POU6F2: variants seen among roughly 807,000 people sequenced by gnomAD.
The protein encoded by POU6F2 is POU class 6 homeobox 2.
A neutral mutation model predicts 71.3 loss-of-function variants in POU6F2; 31 were observed. The ratio of observed to expected loss-of-function variants is 0.43; its 90% CI spans 0.33 to 0.59. The LOEUF is 0.59. Among genes scored for constraint, POU6F2 ranks in the 20% least tolerant of loss-of-function variants. The pLI, the probability that POU6F2 is intolerant of heterozygous loss-of-function variation, is 0.04. For synonymous variants in POU6F2, 347 were observed against 355.7 expected (o/e 0.98, Z 0.27); for missense variants, 783 against 856.8 (o/e 0.91, Z 1.07).
chr7:39,204,352 C>G (rs1439782941), intron 3 of POU6F2, 26 bp downstream of exon 3: 1 of 1,573,516 alleles, frequency 6.4e-7, no homozygotes, highest in South Asian at 1.1e-5. Context: ...CTGCTTTCCA[C>G]TGGGCTGCAT....
intron 1 of POU6F2, among the ~76,000 whole-genome samples, chr7:38,991,859 CCT>C (rs1788611970): frequency 6.9e-6 from 1 of 145,802 alleles, no homozygotes; most frequent in African/African-American, 2.6e-5. Context: ...TCTCTCTCTC[CCT>C]CTCTCTCACA....
In POU6F2 at chr7:39,282,295, A is replaced by G. The variant is rs966705517; in HGVS notation, c.599-57347A>G. Among the ~76,000 whole-genome samples, 30 of 152,146 alleles carry G rather than the reference A, an allele frequency of 2.0e-4. No homozygotes were observed. In the East Asian group the frequency reaches 3.5e-3, roughly 18 times the overall value. ...CTGTGCAGAAGCTCTTTAGGTTGGT[A>G]TAGTCCTATCTGTCTATTTATATAT... is the stretch of plus-strand genomic sequence containing the variant. On this transcript the variant is annotated intron_variant, in intron 4 of 9. Transcript: ENST00000518318.
intron 2 of POU6F2, among the ~76,000 whole-genome samples, chr7:39,119,570 A>G (rs77267438): frequency 0.07 from 10,694 of 152,192 alleles, 516 homozygotes; most frequent in Non-Finnish European, 0.1. Flanking sequence ...AATAGTGGCT[A>G]AAATAGATAA....
intron 5 of POU6F2, among the ~76,000 whole-genome samples, chr7:39,370,608 C>A (rs1219075362): frequency 1.6e-4 from 24 of 152,214 alleles, no homozygotes; most frequent in Admixed American, 1.6e-3. Flanking sequence ...GCCCCCTCCC[C>A]ACCTCTGCCT....
At chr7:39,132,731 T>C (rs748678545) in intron 2 of POU6F2, 3 of 152,224 alleles carry the variant, frequency 2.0e-5, no homozygotes, top group Non-Finnish European at 4.4e-5. Context: ...GCCTTTGGAC[T>C]CTGTGTTTAT....
At chr7:39,101,428 T>C (rs1222787613) in intron 2 of POU6F2, among the ~76,000 whole-genome samples, 1 of 150,620 alleles carries the variant, frequency 6.6e-6, no homozygotes, top group Admixed American at 6.7e-5. Flanking sequence ...AAGAGAAGAA[T>C]TGCTTTTTCT....
At chr7:39,400,869 T>C (rs1787283600) in intron 5 of POU6F2, among the ~76,000 whole-genome samples, 1 of 152,230 alleles carries the variant, frequency 6.6e-6, no homozygotes, top group Non-Finnish European at 1.5e-5. Context: ...ATCTCCTTAG[T>C]TCAGCTAAAG....
intron 2 of POU6F2, among the ~76,000 whole-genome samples, chr7:39,125,653 T>A (rs908049156): frequency 2.6e-5 from 4 of 152,296 alleles, no homozygotes; most frequent in Admixed American, 6.5e-5. Flanking sequence ...GGAGGAAGCA[T>A]AAAGAAAGCC....
chr7:39,026,671 A>G (rs979491733), intron 1 of POU6F2, among the ~76,000 whole-genome samples: 2 of 152,174 alleles, frequency 1.3e-5, no homozygotes, highest in African/African-American at 4.8e-5. Flanking sequence ...TAATGGGTGC[A>G]GCACACCAGC....
chr7:39,279,281 G>A (rs6968851), intron 4 of POU6F2, among the ~76,000 whole-genome samples: 73,917 of 151,886 alleles, frequency 0.49, 19,357 homozygotes, highest in East Asian at 0.69. Flanking sequence ...CAACACAGGT[G>A]CCACCTGCCG....
intron 2 of POU6F2, among the ~76,000 whole-genome samples, chr7:39,198,722 C>T (rs1446491482): frequency 6.6e-6 from 1 of 152,166 alleles, no homozygotes; most frequent in Non-Finnish European, 1.5e-5. Context: ...TACATAAATA[C>T]CTGTGTGACC....
At chr7:39,268,490 T>C (rs1374984776) in intron 4 of POU6F2, among the ~76,000 whole-genome samples, 1 of 152,092 alleles carries the variant, frequency 6.6e-6, no homozygotes, top group Non-Finnish European at 1.5e-5. Context: ...ATAGAACTGC[T>C]GTTAAGTTGC....
In POU6F2 at chr7:39,444,456, T is replaced by C. The variant is rs183374958; in HGVS notation, c.1321-7077T>C. Among the ~76,000 whole-genome samples the C allele has an allele frequency of 6.5e-3, 996 of 152,326 alleles. 7 individuals carry two copies. The highest frequency in any genetic ancestry group is 0.01 in the Non-Finnish European group (702 of 68,032). On this transcript the variant is annotated intron_variant, in intron 7 of 9. Transcript: ENST00000518318. The stretch of plus-strand genomic sequence containing the variant: ...AAAGTTAGCTGCGCATGGTGGTGCA[T>C]GCCTGTAGTCCCAGCTACTTGGGAG...
At chr7:39,121,667 T>G (rs1198413884) in intron 2 of POU6F2, among the ~76,000 whole-genome samples, 1 of 152,204 alleles carries the variant, frequency 6.6e-6, no homozygotes, top group Non-Finnish European at 1.5e-5. Context: ...GTGTACCAAC[T>G]TAGTGTATAT....
chr7:39,324,788 C>A (rs2128769891), intron 4 of POU6F2, among the ~76,000 whole-genome samples: 1 of 152,274 alleles, frequency 6.6e-6, no homozygotes, highest in African/African-American at 2.4e-5. Flanking sequence ...TATTGTATTG[C>A]TTTTTATGAA....
At chr7:39,380,967 C>A (rs1381941436) in intron 5 of POU6F2, among the ~76,000 whole-genome samples, 1 of 152,178 alleles carries the variant, frequency 6.6e-6, no homozygotes, top group Non-Finnish European at 1.5e-5. Flanking sequence ...ATTATCTCAT[C>A]CCCTAAAAAA....
intron 5 of POU6F2, among the ~76,000 whole-genome samples, chr7:39,354,120 C>T (rs1484470481): frequency 1.3e-5 from 2 of 152,216 alleles, no homozygotes; most frequent in South Asian, 2.1e-4. Flanking sequence ...AGGCACCAAA[C>T]AAATGGGAGG....
chr7:39,307,392 C>T (rs1259919965), intron 4 of POU6F2, among the ~76,000 whole-genome samples: 1 of 151,952 alleles, frequency 6.6e-6, no homozygotes, highest in Non-Finnish European at 1.5e-5. Flanking sequence ...TTAGAAAGGC[C>T]ATAAACATCA....
intron 4 of POU6F2, among the ~76,000 whole-genome samples, chr7:39,209,216 T>C (rs1794091267): frequency 6.6e-6 from 1 of 152,218 alleles, no homozygotes; most frequent in South Asian, 2.1e-4. Context: ...CAAAGTTCAT[T>C]ATTAGCGTAT....
Sources: allele counts gnomAD v4.1 joint callset (sites outside exome capture counted in the v4.1 genomes callset), GRCh38; gene constraint gnomAD v4.1.1; transcripts MANE v1.5; gene names NCBI Gene and HGNC (gene_info 2026-07-23, HGNC 2026-07-21).